The following LRP6 variants were observed in gnomAD, a reference collection of about 807,000 sequenced individuals.
LRP6 encodes LDL receptor related protein 6.
Under a neutral mutation model 184.1 loss-of-function variants are expected in LRP6, and 43 were observed. The ratio of observed to expected loss-of-function variants is 0.23; its 90% confidence interval spans 0.18 to 0.30. LRP6 has a LOEUF of 0.30. Among genes scored for constraint, LRP6 ranks in the 10% least tolerant of loss-of-function variants. The pLI, the probability that LRP6 is intolerant of heterozygous loss-of-function variation, is 1.00. For synonymous variants in LRP6, 719 were observed against 684.9 expected (o/e 1.05, Z -0.78); for missense variants, 1,571 against 2,005.3 (o/e 0.78, Z 4.14).
chr12:12,157,651 A>G (rs1429426445), intron 12 of LRP6, among the ~76,000 whole-genome samples: 1 of 152,114 alleles, frequency 6.6e-6, no homozygotes, highest in Non-Finnish European at 1.5e-5. Flanking sequence ...AATTTTTCCT[A>G]TGGGAATTCT....
At chr12:12,199,271 C>G (rs138873692) in intron 3 of LRP6, among the ~76,000 whole-genome samples, 3 of 152,162 alleles carry the variant, frequency 2.0e-5, no homozygotes, top group African/African-American at 7.2e-5. Context: ...AGGAACAGGA[C>G]CACCAGCATT....
Position 12,159,870 on chromosome 12 carries a change from G to T in LRP6, c.2374C>A (p.Arg792=). ...TAATCAATAGTTAGGCCGTTTGCCC[G>T]CCCCACATTTGGAACTAAGGTAGTA... The part of the protein sequence containing the change: ...ERTTLVPNVG[R]ANGLTIDYAK... The change falls in exon 11 of 23, where the codon CGG becomes AGG. Residue 792 remains arginine, a synonymous_variant. Transcript: ENST00000261349. 6.2e-7 allele frequency: 1 copy of T among 1,614,020 alleles called. No homozygotes were observed. The highest frequency in any genetic ancestry group is 8.5e-7 in the Non-Finnish European group (1 of 1,179,934).
chr12:12,145,624 C>CTTTTTTTTTT (rs1157764946), intron 15 of LRP6, among the ~76,000 whole-genome samples: 3 of 80,312 alleles, frequency 3.7e-5, no homozygotes, highest in Admixed American at 1.7e-4. Context: ...TTTTCTTTTT[C>CTTTTTTTTTT]TTTTTTTTTT....
At chr12:12,138,826 T>C (rs1445932085) in intron 15 of LRP6, 5 of 1,411,262 alleles carry the variant, frequency 3.5e-6, no homozygotes, top group African/African-American at 1.4e-5. Context: ...CTAACTTATA[T>C]ATACAACAGA....
intron 2 of LRP6, among the ~76,000 whole-genome samples, chr12:12,216,218 T>C (rs886854730): frequency 6.6e-6 from 1 of 152,136 alleles, no homozygotes; most frequent in Non-Finnish European, 1.5e-5. Context: ...GACAGAAAGA[T>C]TTGGAGACCC....
At chr12:12,173,112 C>G (rs1863088478) in intron 7 of LRP6, among the ~76,000 whole-genome samples, 1 of 152,156 alleles carries the variant, frequency 6.6e-6, no homozygotes, top group Admixed American at 6.5e-5. Flanking sequence ...CCAAAGCTTT[C>G]TAAAACCTGA....
At chr12:12,234,274 C>T (rs1355227152) in intron 2 of LRP6, among the ~76,000 whole-genome samples, 2 of 150,070 alleles carry the variant, frequency 1.3e-5, no homozygotes, top group Non-Finnish European at 3.0e-5. Context: ...GCAACAAGAG[C>T]GAAACTCCAT....
intron 3 of LRP6, among the ~76,000 whole-genome samples, chr12:12,193,306 AG>A (rs1414879617): frequency 6.6e-6 from 1 of 151,750 alleles, no homozygotes; most frequent in African/African-American, 2.4e-5. Context: ...TTTGACCTTA[AG>A]AAACTGTAAG....
chr12:12,191,874 T>C (rs1053972345), intron 3 of LRP6, among the ~76,000 whole-genome samples: 2 of 151,718 alleles, frequency 1.3e-5, no homozygotes, highest in Non-Finnish European at 2.9e-5. Context: ...AAAAAAATAT[T>C]TTCAAAAAAT....
intron 7 of LRP6, among the ~76,000 whole-genome samples, chr12:12,167,288 T>A (rs542162752): frequency 6.6e-6 from 1 of 152,122 alleles, no homozygotes; most frequent in Non-Finnish European, 1.5e-5. Flanking sequence ...AGAAAGAGAT[T>A]TGTATTTCAA....
intron 12 of LRP6, among the ~76,000 whole-genome samples, chr12:12,152,046 T>C (rs1782558221): frequency 1.3e-5 from 2 of 152,076 alleles, no homozygotes; most frequent in South Asian, 4.1e-4. Flanking sequence ...TCAATTTGAA[T>C]TGTACTCCCA....
At chr12:12,254,162 A>AAAAAAAAAAAG (rs1565721161) in intron 1 of LRP6, among the ~76,000 whole-genome samples, 1 of 134,980 alleles carries the variant, frequency 7.4e-6, no homozygotes, top group Non-Finnish European at 1.6e-5. Context: ...AAAAAAAAAA[A>AAAAAAAAAAAG]AAAGAAAGAA....
chr12:12,249,130 G>T (rs576723376), intron 1 of LRP6: 3 of 707,576 alleles, frequency 4.2e-6, no homozygotes, highest in African/African-American at 1.8e-5. Flanking sequence ...CTTACAAGAC[G>T]TACAGGGATG....
intron 7 of LRP6, among the ~76,000 whole-genome samples, chr12:12,172,335 A>T (rs972993627): frequency 1.4e-4 from 21 of 152,222 alleles, no homozygotes; most frequent in Admixed American, 1.3e-3. Context: ...CACAAAGAAG[A>T]AGTAATGGCA....
chr12:12,138,955 G>GA (rs1949890159), intron 15 of LRP6: 2 of 1,364,312 alleles, frequency 1.5e-6, no homozygotes, highest in East Asian at 4.6e-5. Context: ...AACACAATTA[G>GA]AAAAAATGAC....
At chr12:12,188,160 G>A (rs1330894815) in intron 3 of LRP6, among the ~76,000 whole-genome samples, 5 of 148,206 alleles carry the variant, frequency 3.4e-5, no homozygotes, top group South Asian at 2.1e-4. Flanking sequence ...GCAGTGAGCC[G>A]AGATCGCGCC....
intron 7 of LRP6, among the ~76,000 whole-genome samples, chr12:12,170,337 A>G (rs1357754510): frequency 2.6e-5 from 4 of 152,224 alleles, no homozygotes; most frequent in African/African-American, 9.6e-5. Flanking sequence ...TCTCAAAAAC[A>G]GTATAAAACA....
chr12:12,146,180 T>C (rs1003069555), intron 15 of LRP6, among the ~76,000 whole-genome samples: 2 of 152,212 alleles, frequency 1.3e-5, no homozygotes, highest in Non-Finnish European at 2.9e-5. Context: ...AATACCCTTA[T>C]ACACTTACAT....
chr12:12,181,300 G>A lies in LRP6; in HGVS notation c.1116C>T (p.Gly372=), dbSNP rs1408061292. 3 of 1,614,000 alleles carry A rather than the reference G, an allele frequency of 1.9e-6. No homozygotes were observed. Among genetic ancestry groups the A allele is most frequent in the African/African-American group, 1.3e-5 (1 of 74,898 alleles). Residue 372 remains glycine, a synonymous_variant, in exon 6 of 23, where the codon GGC becomes GGT. Coordinates refer to ENST00000261349, the MANE Select transcript of LRP6 (RefSeq NM_002336.3). ...AIAIDYDPVE[G]YIYWTDDEVR... ...CTTCATCATCAGTCCAGTAGATGTA[G>A]CCTTCCACAGGATCGTAATCTATGG...
Sources: allele counts gnomAD v4.1 joint callset (sites outside exome capture counted in the v4.1 genomes callset), GRCh38; gene constraint gnomAD v4.1.1; transcripts MANE v1.5; gene names NCBI Gene and HGNC (gene_info 2026-07-23, HGNC 2026-07-21).